The following STON2 variants were observed in gnomAD, a reference collection of about 807,000 sequenced individuals.
STON2 encodes the protein stonin 2, also known as stonin-2.
In STON2, 29 loss-of-function variants were observed where a neutral mutation model predicts 65.7. That is an observed-to-expected ratio of 0.44 (90% CI 0.33 to 0.60). The LOEUF (loss-of-function observed/expected upper bound fraction) is 0.60. Ranked by LOEUF, STON2 falls within the 20% of genes least tolerant of loss-of-function variation. The pLI is 0.03. For synonymous variants in STON2, 404 were observed against 414.2 expected (o/e 0.98, Z 0.30); for missense variants, 1,054 against 1,118.1 (o/e 0.94, Z 0.82).
intron 5 of STON2, among the ~76,000 whole-genome samples, chr14:81,314,907 G>A (rs1199691903): frequency 6.6e-6 from 1 of 151,990 alleles, no homozygotes; most frequent in African/African-American, 2.4e-5. Flanking sequence ...GTGGAGTGAA[G>A]TGGCATGGCT....
intron 1 of STON2, among the ~76,000 whole-genome samples, chr14:81,428,136 G>C (rs773081424): frequency 6.6e-6 from 1 of 152,194 alleles, no homozygotes; most frequent in Non-Finnish European, 1.5e-5. Context: ...CTCAACGCAT[G>C]ATAGCTATTG....
chr14:81,269,426 T>A (rs1380839969), intron 7 of STON2: 5 of 985,466 alleles, frequency 5.1e-6, no homozygotes, highest in Non-Finnish European at 4.8e-6. Context: ...AACAGATTAA[T>A]CTTTGAAAGT....
intron 5 of STON2, among the ~76,000 whole-genome samples, chr14:81,303,788 C>G (rs1056530924): frequency 6.6e-6 from 1 of 152,168 alleles, no homozygotes; most frequent in African/African-American, 2.4e-5. Context: ...ACATAACATG[C>G]CTATGGTCAA....
At chr14:81,296,051 T>C (rs1895748832) in intron 5 of STON2, among the ~76,000 whole-genome samples, 1 of 152,188 alleles carries the variant, frequency 6.6e-6, no homozygotes, top group African/African-American at 2.4e-5. Context: ...TCCGTAGTAT[T>C]TTGGGATGAG....
At chr14:81,376,346 G>A (rs1899250306) in intron 3 of STON2, among the ~76,000 whole-genome samples, 1 of 151,924 alleles carries the variant, frequency 6.6e-6, no homozygotes, top group East Asian at 1.9e-4. Context: ...AATAATAAAT[G>A]TCTTTATACC....
At chr14:81,309,405 G>A (rs1896336126) in intron 5 of STON2, among the ~76,000 whole-genome samples, 1 of 152,084 alleles carries the variant, frequency 6.6e-6, no homozygotes, top group Admixed American at 6.5e-5. Flanking sequence ...TATCTTGAAT[G>A]TATATTTATT....
chr14:81,263,719 C>T lies in STON2; in HGVS notation c.*4695G>A, dbSNP rs1007923315. ...TAAGGTCTAGATATGCTGGAATTAA[C>T]ATATAATCCTCATTTTTAGAAGAGT... On this transcript the variant is annotated 3_prime_UTR_variant, in exon 8 of 8. Transcript: ENST00000614646. 1.0e-6 allele frequency: 1 copy of T among 985,206 alleles called. No homozygotes were observed. Among genetic ancestry groups the T allele is most frequent in the African/African-American group, 1.7e-5 (1 of 57,314 alleles). The allele number at this position is 985,206 out of a possible 1,614,324, so 61.0% of individuals were successfully genotyped here.
chr14:81,295,701 C>T lies in STON2; in HGVS notation c.743-16962G>A, dbSNP rs141820974. On this transcript the variant is annotated intron_variant, in intron 5 of 7. Transcript: ENST00000614646. ...TGAAAACGACTCAAGATTTAAGGCACATTGAATCTAAGGCATTCACATATG... is the reference window on the plus strand; with the variant it reads ...TGAAAACGACTCAAGATTTAAGGCATATTGAATCTAAGGCATTCACATATG... 4.6e-3 allele frequency among the ~76,000 whole-genome samples: 694 copies of T among 152,322 alleles called. 2 individuals are homozygous for T. The highest frequency in any genetic ancestry group is 8.0e-3 in the Non-Finnish European group (547 of 68,034).
chr14:81,340,127 C>G (rs1897544591), intron 4 of STON2, among the ~76,000 whole-genome samples: 1 of 152,208 alleles, frequency 6.6e-6, no homozygotes, highest in African/African-American at 2.4e-5. Context: ...GCACTCCAGC[C>G]TGGGCGACAG....
In STON2 at chr14:81,387,109, A is replaced by C. The variant is rs113434950; in HGVS notation, c.373+8785T>G. On this transcript the variant is annotated intron_variant, in intron 3 of 7. Transcript: ENST00000614646. ...GATGGGTTTAGGTTCATTTTCAAAA[A>C]AATTTCTTTAGAGAACTATACAAAA... Among the ~76,000 whole-genome samples the C allele has an allele frequency of 5.6e-3, 853 of 152,292 alleles. 6 individuals are homozygous for C. Among genetic ancestry groups the C allele is most frequent in the African/African-American group, 0.019 (790 of 41,564 alleles).
intron 4 of STON2, among the ~76,000 whole-genome samples, chr14:81,350,113 C>T (rs1043283302): frequency 2.0e-5 from 3 of 151,968 alleles, no homozygotes; most frequent in African/African-American, 7.2e-5. Flanking sequence ...TACAAACATA[C>T]AGTTAGATAG....
At chr14:81,405,055 T>C (rs1052874914), upstream of STON2, among the ~76,000 whole-genome samples, 4 of 152,206 alleles carry the variant, frequency 2.6e-5, no homozygotes, top group Non-Finnish European at 5.9e-5. Context: ...CTATAGTGCA[T>C]TTGGATGTAG....
intron 4 of STON2, among the ~76,000 whole-genome samples, chr14:81,364,470 GT>G (rs1241156620): frequency 6.6e-6 from 1 of 152,064 alleles, no homozygotes; most frequent in Non-Finnish European, 1.5e-5. Context: ...CTTTAGCAGT[GT>G]TAGAAAACAC....
rs550567970 is a variant in STON2 at position 81,327,537 on chromosome 14, C to T, written c.572-3350G>A. ...CGTACTTCCATCAAGAGGCAACTGG[C>T]GTTTGATAAGTTCTGGTATTTGTGC... On this transcript the variant is annotated intron_variant, in intron 4 of 7. Coordinates refer to ENST00000614646, the MANE Select transcript of STON2 (RefSeq NM_001394390.1). 3.3e-5 allele frequency among the ~76,000 whole-genome samples: 5 copies of T among 152,194 alleles called. No homozygotes were observed. The East Asian group carries it at 5.8e-4, about 18-fold the overall frequency.
chr14:81,325,118 T>C (rs1053222357), intron 4 of STON2, among the ~76,000 whole-genome samples: 6 of 152,146 alleles, frequency 3.9e-5, no homozygotes, highest in South Asian at 2.1e-4. Flanking sequence ...CAGCCAGGAA[T>C]GCCTTTCACC....
intron 5 of STON2, among the ~76,000 whole-genome samples, chr14:81,320,558 C>G (rs577673496): frequency 6.7e-6 from 1 of 149,986 alleles, no homozygotes; most frequent in African/African-American, 2.5e-5. Context: ...AAAGTCCACA[C>G]GTTAAAGCTA....
chr14:81,361,192 C>A (rs1360709509), intron 4 of STON2, among the ~76,000 whole-genome samples: 1 of 152,018 alleles, frequency 6.6e-6, no homozygotes, highest in Non-Finnish European at 1.5e-5. Context: ...TACCAAATAG[C>A]CAAAGCTATC....
chr14:81,344,132 A>C (rs1028845184), intron 4 of STON2, among the ~76,000 whole-genome samples: 2 of 152,220 alleles, frequency 1.3e-5, no homozygotes, highest in African/African-American at 4.8e-5. Flanking sequence ...CAAACAGGTC[A>C]GCCCCTAAAC....
At chr14:81,416,264 T>C (rs1449827855) in intron 2 of STON2, among the ~76,000 whole-genome samples, 2 of 152,118 alleles carry the variant, frequency 1.3e-5, no homozygotes, top group Admixed American at 6.5e-5. Context: ...TTTCTACCCA[T>C]AAAGATTGGG....
Sources: gnomAD v4.1 joint callset for allele counts (sites outside exome capture counted in the v4.1 genomes callset) on GRCh38, gnomAD v4.1.1 for gene constraint, MANE v1.5 for transcripts, NCBI Gene and HGNC (gene_info 2026-07-23, HGNC 2026-07-21) for gene names.